GGH: variants seen among roughly 807,000 people sequenced by gnomAD.
GGH encodes gamma-glutamyl hydrolase.
A neutral mutation model predicts 39.2 loss-of-function variants in GGH; 18 were observed. The observed-to-expected ratio is 0.46, with a 90% CI of 0.32 to 0.68. The LOEUF (loss-of-function observed/expected upper bound fraction) is 0.68. GGH is among the 30% of genes least tolerant of loss of function. The probability of loss-of-function intolerance (pLI) is 0.04; values close to 1 mark genes in which losing one functional copy is unlikely to be tolerated. For missense variants in GGH, 367 were observed against 384.1 expected (o/e 0.96, Z 0.37); for synonymous variants, 147 against 138.8 (o/e 1.06, Z -0.42).
chr8:63,029,795 GA>G (rs1006675167), intron 3 of GGH, among the ~76,000 whole-genome samples: 55 of 148,634 alleles, frequency 3.7e-4, no homozygotes, highest in African/African-American at 1.3e-3. Flanking sequence ...CAATTTACCT[GA>G]AAAAAAAAAT....
At chr8:63,037,541 G>C (rs200970178) in intron 1 of GGH, among the ~76,000 whole-genome samples, 2 of 151,882 alleles carry the variant, frequency 1.3e-5, no homozygotes, top group African/African-American at 4.8e-5. Flanking sequence ...TTTGTGGCTT[G>C]TCATCTTTCA....
At chr8:63,020,236 T>A (rs1019128454) in intron 7 of GGH, among the ~76,000 whole-genome samples, 1 of 152,162 alleles carries the variant, frequency 6.6e-6, no homozygotes, top group Non-Finnish European at 1.5e-5. Context: ...AAAGAAAATA[T>A]GCAAATAATA....
Position 63,015,248 on chromosome 8 carries a change from C to T in GGH, c.*84G>A. The stretch of plus-strand genomic sequence containing the variant: ...ATTATAGAAAAGAATCTGTGACTTC[C>T]TAATCTTGCCATGAGTAGCAAGTTA... On this transcript the variant is annotated 3_prime_UTR_variant, in exon 9 of 9. Transcript: ENST00000260118. The T allele has an allele frequency of 1.5e-6, 1 of 686,148 alleles. No individual in the cohort carries two copies. Among genetic ancestry groups the T allele is most frequent in the Non-Finnish European group, 2.4e-6 (1 of 409,068 alleles). 42.5% of individuals were successfully genotyped at this position (686,148 alleles called of 1,614,324 possible).
chr8:63,018,033 T>C (rs1804518455), intron 7 of GGH: 1 of 156,870 alleles, frequency 6.4e-6, no homozygotes, highest in Admixed American at 6.5e-5. Flanking sequence ...GAGAATGAAG[T>C]ATGGCAGCAC....
At chr8:63,016,494 A>T (rs548981722) in intron 8 of GGH, among the ~76,000 whole-genome samples, 69 of 152,328 alleles carry the variant, frequency 4.5e-4, no homozygotes, top group African/African-American at 1.5e-3. Flanking sequence ...TTAAGTCTTT[A>T]AATGGCTATA....
chr8:63,034,891 A>AT (rs1804872980), intron 2 of GGH, among the ~76,000 whole-genome samples: 1 of 152,066 alleles, frequency 6.6e-6, no homozygotes, highest in Admixed American at 6.5e-5. Flanking sequence ...TTTTTTTCTT[A>AT]TTTCAATAGC....
chr8:63,017,274 G>C (rs1404956602), intron 8 of GGH: 1 of 441,778 alleles, frequency 2.3e-6, no homozygotes, highest in African/African-American at 2.1e-5. Flanking sequence ...GCCCACTGAA[G>C]CATGTATGAT....
chr8:63,029,267 G>C (rs959001066), intron 3 of GGH, among the ~76,000 whole-genome samples: 3 of 152,112 alleles, frequency 2.0e-5, no homozygotes, highest in African/African-American at 7.2e-5. Flanking sequence ...AGCAAACGGG[G>C]TGTATGCTAT....
chr8:63,026,932 C>G, intron 4 of GGH: 1 of 472,498 alleles, frequency 2.1e-6, no homozygotes, highest in South Asian at 2.8e-5. Context: ...CATGAGGACA[C>G]GGTTCACATT....
In GGH at chr8:63,015,270, G is replaced by C; in HGVS notation, c.*62C>G. ...TTCCTAATCTTGCCATGAGTAGCAA[G>C]TTATTCTAACAGTTTAATCATGGAA... is the stretch of plus-strand genomic sequence containing the variant. On this transcript the variant is annotated 3_prime_UTR_variant, in exon 9 of 9. Transcript: ENST00000260118. The C allele has an allele frequency of 2.3e-6, 2 of 872,870 alleles. No individual in the cohort carries two copies. Among genetic ancestry groups the C allele is most frequent in the Non-Finnish European group, 3.6e-6 (2 of 559,106 alleles). The allele number at this position is 872,870 out of a possible 1,614,324, so 54.1% of individuals were successfully genotyped here. A position where few individuals can be genotyped will look rare whatever the true frequency, so the allele number is the denominator to read the frequency against.
At chr8:63,038,618 C>T in intron 1 of GGH, 42 bp downstream of exon 1, 2 of 1,125,560 alleles carry the variant, frequency 1.8e-6, no homozygotes, top group African/African-American at 1.6e-5. Context: ...CGCCAACACC[C>T]AGCTCCTCCC....
intron 7 of GGH, among the ~76,000 whole-genome samples, chr8:63,021,185 C>T (rs1368374120): frequency 6.6e-6 from 1 of 152,124 alleles, no homozygotes; most frequent in East Asian, 1.9e-4. Context: ...GCTTCTTTAA[C>T]TCAAAATTGT....
intron 3 of GGH, among the ~76,000 whole-genome samples, chr8:63,028,704 T>C (rs997800133): frequency 2.6e-5 from 4 of 152,158 alleles, no homozygotes; most frequent in African/African-American, 4.8e-5. Context: ...TTAGTGGCAA[T>C]GCAGAAAACG....
chr8:63,029,962 C>T (rs1804773226), intron 3 of GGH: 1 of 389,482 alleles, frequency 2.6e-6, no homozygotes. Flanking sequence ...AACAATTATA[C>T]ATTTCCTAAC....
chr8:63,038,730 C>T lies in GGH; in HGVS notation c.39G>A (p.Leu13=), dbSNP rs746019566. 3.2e-6 allele frequency: 5 copies of T among 1,583,826 alleles called. No homozygotes were observed. Among genetic ancestry groups the T allele is most frequent in the Admixed American group, 1.7e-5 (1 of 57,614 alleles). The change falls in exon 1 of 9, where the codon CTG becomes CTA. Residue 13 remains leucine (L), a synonymous_variant. Coordinates refer to ENST00000260118, the MANE Select transcript of GGH (RefSeq NM_003878.3). ...CGAGGCTCGCCGCCCCGCAGAGTAG[C>T]AGGCCCAGCACGCACAGCAGGCAGC... is the stretch of plus-strand genomic sequence containing the variant. ...SPGCLLCVLG[L]LLCGAASLEL...
intron 2 of GGH, among the ~76,000 whole-genome samples, chr8:63,034,107 T>C (rs530111494): frequency 6.7e-6 from 1 of 150,226 alleles, no homozygotes; most frequent in East Asian, 1.9e-4. Flanking sequence ...ACAGCTTGCA[T>C]TAAAAAGTTT....
At position 63,015,436 on chromosome 8, in the gene GGH, G is replaced by A; in HGVS notation, c.853C>T (p.His285Tyr). 1 of 1,541,436 alleles carries A rather than the reference G, an allele frequency of 6.5e-7. No homozygotes were observed. Among genetic ancestry groups the A allele is most frequent in the Non-Finnish European group, 8.8e-7 (1 of 1,131,542 alleles). ...FVNEARKNNHHFKSESEEEKA... is the reference protein window; with the variant it reads ...FVNEARKNNHYFKSESEEEKA... ...TCCTCTTCAGATTCAGATTTAAAAT[G>A]ATGGTTGTTTTTCCGAGCTGCAAGA... Residue 285 changes from histidine (H) to tyrosine (Y), a missense_variant, in exon 9 of 9, where the codon CAT (histidine) becomes TAT (tyrosine). Physicochemically the swap from His to Tyr is moderately conservative, Grantham distance 83 (BLOSUM62 2). Transcript: ENST00000260118.
rs766118226 is a variant in GGH, at chr8:63,038,759, G to A, written c.10C>T (p.Pro4Ser). The A allele has an allele frequency of 4.2e-5, 66 of 1,558,432 alleles. No individual in the cohort carries two copies. The highest frequency in any genetic ancestry group is 3.5e-6 in the Non-Finnish European group (4 of 1,155,770). The change falls in exon 1 of 9, where the codon CCG becomes TCG. Residue 4 changes from proline (P) to serine (S), a missense_variant. Transcript: ENST00000260118. The part of the protein sequence containing the change: MAS[P>S]GCLLCVLGLL... ...CCCAGCACGCACAGCAGGCAGCCCGGACTGGCCATGGCGCTCGCCGCCTCC... is the reference window on the plus strand; with the variant it reads ...CCCAGCACGCACAGCAGGCAGCCCGAACTGGCCATGGCGCTCGCCGCCTCC...
chr8:63,026,962 G>A (rs951854912), intron 4 of GGH: 1 of 534,654 alleles, frequency 1.9e-6, no homozygotes, highest in Non-Finnish European at 3.3e-6. Flanking sequence ...CAAGAGAGGG[G>A]CAGTCAGCAG....
Sources: gnomAD v4.1 joint callset for allele counts (sites outside exome capture counted in the v4.1 genomes callset) on GRCh38, gnomAD v4.1.1 for gene constraint, MANE v1.5 for transcripts, NCBI Gene and HGNC (gene_info 2026-07-23, HGNC 2026-07-21) for gene names.